Variants in NEK1 observed in about 807,000 individuals in gnomAD.
NEK1 encodes serine/threonine-protein kinase Nek1.
Under a neutral mutation model 182.1 loss-of-function variants are expected in NEK1, and 137 were observed. That is an observed-to-expected ratio of 0.75 (90% confidence interval 0.65 to 0.87). NEK1 has a LOEUF of 0.87. Ranked by LOEUF, NEK1 falls within the 40% of genes least tolerant of loss-of-function variation. The pLI is 0.00. For missense variants in NEK1, 1,391 were observed against 1,494.4 expected, an observed-to-expected ratio of 0.93 and a Z score of 1.14; for synonymous variants, 513 against 492.2, an observed-to-expected ratio of 1.04 and a Z score of -0.56.
At chr4:169,538,373 A>C (rs923350186) in intron 18 of NEK1, among the ~76,000 whole-genome samples, 1 of 152,178 alleles carries the variant, frequency 6.6e-6, no homozygotes, top group Non-Finnish European at 1.5e-5. Flanking sequence ...AAAATACAGT[A>C]AAAAGCTATG....
At chr4:169,598,992 T>C in intron 5 of NEK1, 108 bp downstream of exon 5, 3 of 765,168 alleles carry the variant, frequency 3.9e-6, no homozygotes, top group Non-Finnish European at 6.5e-6. Context: ...TAAACTTCCC[T>C]AGTAATTTTG....
chr4:169,595,066 A>G (rs993212584), intron 5 of NEK1, among the ~76,000 whole-genome samples: 1 of 152,120 alleles, frequency 6.6e-6, no homozygotes, highest in Non-Finnish European at 1.5e-5. Context: ...AGGAATGCCA[A>G]ACTACTGGCA....
At chr4:169,547,303 C>T (rs562348943) in intron 18 of NEK1, among the ~76,000 whole-genome samples, 111 of 152,318 alleles carry the variant, frequency 7.3e-4, no homozygotes, top group Admixed American at 1.1e-3. Context: ...TATTGACCCC[C>T]ACTCTCTTCT....
intron 12 of NEK1, among the ~76,000 whole-genome samples, chr4:169,569,001 T>A (rs1764186423): frequency 6.6e-6 from 1 of 151,394 alleles, no homozygotes; most frequent in Admixed American, 6.6e-5. Context: ...TTAGTAAAAT[T>A]AAATGCGTGT....
intron 31 of NEK1, among the ~76,000 whole-genome samples, chr4:169,407,057 C>T (rs1732767933): frequency 6.6e-6 from 1 of 151,996 alleles, no homozygotes; most frequent in Non-Finnish European, 1.5e-5. Context: ...TCCCTGATAC[C>T]ACCTTTGAAA....
Position 169,602,593 on chromosome 4 carries a change from C to T in NEK1, c.38G>A (p.Gly13Asp). The T allele has an allele frequency of 3.1e-6, 5 of 1,608,814 alleles. No homozygotes were observed. The highest frequency in any genetic ancestry group is 4.3e-6 in the Non-Finnish European group (5 of 1,175,700). ...KYVRLQKIGE[G>D]SFGKAILVKS... ...AACAAGAATGGCTTTTCCAAATGAACCTTCTCCAATCTTCTGTAGTCTAAC... is the reference window on the plus strand; with the variant it reads ...AACAAGAATGGCTTTTCCAAATGAATCTTCTCCAATCTTCTGTAGTCTAAC... The change falls in exon 3 of 36, where the codon GGT becomes GAT. Residue 13 changes from glycine to aspartate, a missense_variant. This residue lies in a region of NEK1 where 42 missense variants were observed against 47.9 expected (regional missense o/e 0.88). Coordinates refer to ENST00000507142, the MANE Select transcript of NEK1 (RefSeq NM_001199397.3).
intron 28 of NEK1, 64 bp from the exon 29 acceptor site, chr4:169,433,729 A>C: frequency 6.7e-7 from 1 of 1,498,218 alleles, no homozygotes. Flanking sequence ...ATATTGAATA[A>C]ACTTGCTATA....
rs138106628 is a variant in NEK1, at chr4:169,575,687, C to T, written c.1020+1241G>A. ...ATTCTACTGACACTCCAGGCAGTTT[C>T]GCAGGGAGTTTCGTCAGCTCCACAG... is the stretch of plus-strand genomic sequence containing the variant. On this transcript the variant is annotated intron_variant, in intron 12 of 35. Transcript: ENST00000507142. Among the ~76,000 whole-genome samples, 13 of 152,258 alleles carry T rather than the reference C, an allele frequency of 8.5e-5. No homozygotes were observed. The East Asian group carries it at 2.1e-3, about 25-fold the overall frequency.
chr4:169,476,356 C>T (rs1033665211), intron 26 of NEK1, among the ~76,000 whole-genome samples: 1 of 152,096 alleles, frequency 6.6e-6, no homozygotes, highest in African/African-American at 2.4e-5. Flanking sequence ...TATCTCTTTA[C>T]TTGCCTGCCT....
chr4:169,506,880 G>C, intron 23 of NEK1, 157 bp downstream of exon 23: 1 of 407,464 alleles, frequency 2.5e-6, no homozygotes, highest in Non-Finnish European at 4.3e-6. Context: ...CAGAGAGACT[G>C]AGAAAGAGAG....
chr4:169,555,884 C>T (rs1256011356), intron 17 of NEK1, 33 bp from the exon 18 acceptor site: 1 of 1,613,602 alleles, frequency 6.2e-7, no homozygotes, highest in Non-Finnish European at 8.5e-7. Flanking sequence ...ACTTTCATTA[C>T]TATCTCAGAA....
rs1384792456 is a variant in NEK1, at chr4:169,561,860, A to G, written c.1112T>C (p.Ile371Thr). ...EAARKRRLEFIEKEKKQKDQI... is the reference protein window; with the variant it reads ...EAARKRRLEFTEKEKKQKDQI... ...ATCCTTTTGTTTCTTTTCTTTTTCA[A>G]TAAATTCCAGCCTTCTCTTTCTTGC... Residue 371 changes from isoleucine to threonine, a missense_variant, in exon 14 of 36, where the codon ATT becomes ACT. Transcript: ENST00000507142. The G allele has an allele frequency of 1.2e-6, 2 of 1,610,226 alleles. No individual in the cohort carries two copies. Among genetic ancestry groups the G allele is most frequent in the South Asian group, 1.1e-5 (1 of 89,602 alleles).
chr4:169,531,907 T>C (rs892036879), intron 19 of NEK1, among the ~76,000 whole-genome samples: 10 of 152,106 alleles, frequency 6.6e-5, no homozygotes, highest in East Asian at 1.9e-4. Context: ...AACAGAGAAA[T>C]TGAACAAAAT....
chr4:169,487,530 A>G (rs1329571902), intron 23 of NEK1, among the ~76,000 whole-genome samples: 2 of 152,194 alleles, frequency 1.3e-5, no homozygotes, highest in Admixed American at 6.5e-5. Flanking sequence ...TCCATGGTGT[A>G]TATGTACCGT....
chr4:169,523,238 T>C (rs115468066), intron 19 of NEK1, among the ~76,000 whole-genome samples: 1,877 of 152,268 alleles, frequency 0.012, 15 homozygotes, highest in Non-Finnish European at 0.018. Flanking sequence ...GACTAAGAGA[T>C]TGCTATGTTG....
rs183902030 is a variant in NEK1, at chr4:169,470,708, T to C, written c.2434+6416A>G. On this transcript the variant is annotated intron_variant, in intron 26 of 35. Coordinates refer to ENST00000507142, the MANE Select transcript of NEK1 (RefSeq NM_001199397.3). ...AGTTCTCCTGGATAATACCTTCAAG[T>C]GTGTTTTCCAACTTGGTTCCATTCT... 3.2e-3 allele frequency among the ~76,000 whole-genome samples: 493 copies of C among 152,308 alleles called. 4 individuals carry two copies. Among genetic ancestry groups the C allele is most frequent in the Middle Eastern group, 0.017 (5 of 294 alleles).
At chr4:169,440,320 T>C (rs1205252383) in intron 27 of NEK1, among the ~76,000 whole-genome samples, 1 of 152,086 alleles carries the variant, frequency 6.6e-6, no homozygotes, top group Non-Finnish European at 1.5e-5. Context: ...ATGAAATATA[T>C]ACCACACAAA....
chr4:169,570,768 G>A (rs531763572), intron 12 of NEK1, among the ~76,000 whole-genome samples: 280 of 152,302 alleles, frequency 1.8e-3, no homozygotes, highest in African/African-American at 6.6e-3. Flanking sequence ...TTGAGAAATC[G>A]GATGGTTGCC....
intron 18 of NEK1, among the ~76,000 whole-genome samples, chr4:169,543,758 G>T (rs990204257): frequency 1.3e-5 from 2 of 152,148 alleles, no homozygotes; most frequent in Non-Finnish European, 2.9e-5. Flanking sequence ...ATTGTGAATG[G>T]GAGTTGACTC....
Sources: gnomAD v4.1 joint callset for allele counts (sites outside exome capture counted in the v4.1 genomes callset) on GRCh38, gnomAD v4.1.1 for gene constraint, gnomAD v4.1.1 regional missense constraint, MANE v1.5 for transcripts, NCBI Gene and HGNC (gene_info 2026-07-23, HGNC 2026-07-21) for gene names.